BEND4: variants seen among roughly 807,000 people sequenced by gnomAD.
BEND4 encodes BEN domain containing 4.
In BEND4, 27 loss-of-function variants were observed where a neutral mutation model predicts 54.7. That is an observed-to-expected ratio of 0.49 (90% CI 0.36 to 0.68). The LOEUF (loss-of-function observed/expected upper bound fraction) is 0.68, where lower values mean the gene tolerates loss of function less well. Ranked by LOEUF, BEND4 falls within the 30% of genes least tolerant of loss-of-function variation. The pLI is 0.00. For missense variants in BEND4, 702 were observed against 697.2 expected (o/e 1.01, Z -0.08); for synonymous variants, 327 against 299.5 (o/e 1.09, Z -0.95).
At chr4:42,143,214 C>T (rs75661548) in intron 3 of BEND4, among the ~76,000 whole-genome samples, 5,086 of 152,244 alleles carry the variant, frequency 0.033, 284 homozygotes, top group African/African-American at 0.12. Context: ...AGGCTAGTGG[C>T]TCCTCCTAAA....
chr4:42,133,349 A>G (rs745385248), intron 3 of BEND4, among the ~76,000 whole-genome samples: 1 of 152,226 alleles, frequency 6.6e-6, no homozygotes, highest in Non-Finnish European at 1.5e-5. Flanking sequence ...GCCCCCAGGG[A>G]TGTTATTTAA....
At chr4:42,149,754 A>G (rs1721196851) in intron 2 of BEND4, among the ~76,000 whole-genome samples, 1 of 152,144 alleles carries the variant, frequency 6.6e-6, no homozygotes, top group South Asian at 2.1e-4. Context: ...TGAAGGAAGG[A>G]CAGCAAGGAA....
At chr4:42,143,256 C>T (rs1479746621) in intron 3 of BEND4, among the ~76,000 whole-genome samples, 172 bp downstream of exon 3, 1 of 152,182 alleles carries the variant, frequency 6.6e-6, no homozygotes, top group East Asian at 1.9e-4. Flanking sequence ...GGCTGAGAAG[C>T]TCTTGAGCAT....
chr4:42,124,173 A>G (rs1720180402), intron 4 of BEND4, among the ~76,000 whole-genome samples: 1 of 152,166 alleles, frequency 6.6e-6, no homozygotes, highest in South Asian at 2.1e-4. Flanking sequence ...TGGGCAACAT[A>G]GTGACACCCC....
At chr4:42,137,608 C>T (rs1720739224) in intron 3 of BEND4, among the ~76,000 whole-genome samples, 1 of 151,976 alleles carries the variant, frequency 6.6e-6, no homozygotes, top group African/African-American at 2.4e-5. Flanking sequence ...ATTTTCAGGC[C>T]ACAAAAGCAA....
In BEND4 at chr4:42,143,455, G is replaced by A. The variant is rs1330217105; in HGVS notation, c.1027C>T (p.Leu343Phe). The change falls in exon 3 of 6, where the codon CTC (leucine) becomes TTC (phenylalanine). Residue 343 changes from leucine to phenylalanine, a missense_variant. Coordinates refer to ENST00000502486, the MANE Select transcript of BEND4 (RefSeq NM_207406.4). ...GGGATGCTCTCTAATTTCCTTCTGA[G>A]CTCTTCATTTTCTTGTTGCAGTGAA... ...VISLQQENEE[L>F]RRKLESIPVP... is the part of the protein sequence containing the mutation. The A allele has an allele frequency of 6.4e-7, 1 of 1,551,990 alleles. No individual in the cohort carries two copies. The highest frequency in any genetic ancestry group is 1.4e-5 in the African/African-American group (1 of 73,068).
intron 4 of BEND4, 25 bp downstream of exon 4, chr4:42,125,558 A>G (rs1340830847): frequency 3.2e-6 from 5 of 1,557,146 alleles, no homozygotes; most frequent in Admixed American, 3.3e-5. Flanking sequence ...CAAATGGAAC[A>G]TTCACCTTTT....
chr4:42,149,999 A>G (rs2153148133), intron 2 of BEND4, among the ~76,000 whole-genome samples: 1 of 152,224 alleles, frequency 6.6e-6, no homozygotes, highest in East Asian at 1.9e-4. Flanking sequence ...GAAAACGTCA[A>G]TGAAAATGAT....
At chr4:42,145,536 AC>A (rs1721046621) in intron 2 of BEND4, among the ~76,000 whole-genome samples, 1 of 152,020 alleles carries the variant, frequency 6.6e-6, no homozygotes. Context: ...TACTACAAAT[AC>A]AAAAATTAGC....
Position 42,117,691 on chromosome 4 carries a change from G to A in BEND4, c.1432C>T (p.Pro478Ser). 2 of 1,609,446 alleles carry A rather than the reference G, an allele frequency of 1.2e-6. No homozygotes were observed. The highest frequency in any genetic ancestry group is 8.5e-7 in the Non-Finnish European group (1 of 1,177,852). ...ACTTTGTTTATCTGCTCTTCCGAGG[G>A]CATCCACCAATCGGGGTTGGAGGTA... Reference protein sequence around the residue: ...HCTSNPDWWMPSEEQINKVFS... With the variant: ...HCTSNPDWWMSSEEQINKVFS... The change falls in exon 6 of 6, where the codon CCC (proline) becomes TCC (serine). Residue 478 changes from proline (P) to serine (S), a missense_variant. By Grantham distance (74) the Pro-to-Ser change is moderately conservative. Transcript: ENST00000502486.
intron 3 of BEND4, among the ~76,000 whole-genome samples, chr4:42,126,068 C>CA (rs201215171): frequency 0.027 from 3,879 of 145,862 alleles, 73 homozygotes; most frequent in Non-Finnish European, 0.039. Flanking sequence ...TGCAAACTTC[C>CA]AAAAAAAAAA....
chr4:42,152,074 A>G lies in BEND4; in HGVS notation c.70T>C (p.Tyr24His), dbSNP rs779302518. The change falls in exon 2 of 6, where the codon TAC (tyrosine) becomes CAC (histidine). Residue 24 changes from tyrosine (Y) to histidine (H), a missense_variant. Transcript: ENST00000502486. ...VPKIYKQRSP[Y>H]SVLKTFPSKR... ...CTGGGGAACGTCTTGAGGACGCTGT[A>G]GGGGCTGCGCTGCTTGTAGATTTTG... 8.3e-5 allele frequency: 104 copies of G among 1,252,578 alleles called. No homozygotes were observed. The highest frequency in any genetic ancestry group is 2.1e-4 in the Middle Eastern group (1 of 4,702). 77.6% of individuals were successfully genotyped at this position (1,252,578 alleles called of 1,614,324 possible).
intron 5 of BEND4, among the ~76,000 whole-genome samples, chr4:42,119,181 A>G (rs1719964880): frequency 6.6e-6 from 1 of 152,080 alleles, no homozygotes. Flanking sequence ...TCTTTCCAAT[A>G]ACTAGGGCCT....
At chr4:42,151,488 G>A (rs1187400711) in intron 2 of BEND4, 169 bp downstream of exon 2, 5 of 652,004 alleles carry the variant, frequency 7.7e-6, no homozygotes, top group Non-Finnish European at 1.1e-5. Flanking sequence ...GGCGGCGCTG[G>A]AGAATCCTCT....
At chr4:42,149,738 C>T (rs756365623) in intron 2 of BEND4, among the ~76,000 whole-genome samples, 1 of 150,450 alleles carries the variant, frequency 6.6e-6, no homozygotes, top group Non-Finnish European at 1.5e-5. Flanking sequence ...AAAAAAAAAA[C>T]CCACATGAAG....
chr4:42,138,210 G>GAA (rs1395019174), intron 3 of BEND4, among the ~76,000 whole-genome samples: 3 of 152,142 alleles, frequency 2.0e-5, no homozygotes, highest in African/African-American at 7.2e-5. Context: ...AGTGGATAAA[G>GAA]AAACTGTGGT....
intron 2 of BEND4, among the ~76,000 whole-genome samples, chr4:42,147,481 CTTTTTT>C (rs71664398): frequency 1.5e-5 from 2 of 131,944 alleles, no homozygotes; most frequent in East Asian, 2.2e-4. Flanking sequence ...ATTTTTTTAA[CTTTTTT>C]TTTTTTTTTT....
intron 2 of BEND4, among the ~76,000 whole-genome samples, chr4:42,144,493 GAT>G (rs1246277741): frequency 2.0e-5 from 3 of 152,198 alleles, no homozygotes; most frequent in Admixed American, 6.5e-5. Flanking sequence ...GGGGAAGAAA[GAT>G]AAGTCTTTTT....
intron 4 of BEND4, among the ~76,000 whole-genome samples, chr4:42,125,117 G>A (rs1720220426): frequency 6.6e-6 from 1 of 152,170 alleles, no homozygotes; most frequent in African/African-American, 2.4e-5. Context: ...TCTACAGATT[G>A]GGAGAGACTG....
Sources: allele counts gnomAD v4.1 joint callset (sites outside exome capture counted in the v4.1 genomes callset), GRCh38; gene constraint gnomAD v4.1.1; transcripts MANE v1.5; gene names NCBI Gene and HGNC (gene_info 2026-07-23, HGNC 2026-07-21).